Variants in POU3F3 observed in about 807,000 individuals in gnomAD.
POU3F3 encodes the protein POU class 3 homeobox 3, also known as POU domain, class 3, transcription factor 3.
In POU3F3, 1 loss-of-function variant was observed where a neutral mutation model predicts 8.6. The ratio of observed to expected loss-of-function variants is 0.12; its 90% CI spans 0.04 to 0.55. The LOEUF (loss-of-function observed/expected upper bound fraction) is 0.55, where lower values mean the gene tolerates loss of function less well. Among genes scored for constraint, POU3F3 ranks in the 20% least tolerant of loss-of-function variants. The pLI, the probability that POU3F3 is intolerant of heterozygous loss-of-function variation, is 0.91. For missense variants in POU3F3, 577 were observed against 690.7 expected, an observed-to-expected ratio of 0.84 and a Z score of 1.84; for synonymous variants, 418 against 327.4, an observed-to-expected ratio of 1.28 and a Z score of -2.99.
At chr2:104,919,029 G>A in the POU3F3 span, among the ~76,000 whole-genome samples, 2 of 151,970 alleles carry the variant, frequency 1.3e-5, no homozygotes, top group African/African-American at 2.4e-5. Context: ...GCGCCACCAC[G>A]CCCAGCTAAT....
At chr2:104,900,841 T>A in the POU3F3 span, among the ~76,000 whole-genome samples, 3 of 152,072 alleles carry the variant, frequency 2.0e-5, no homozygotes, top group Admixed American at 6.5e-5. Context: ...CACTACCGAG[T>A]GAATGAGAGC....
At chr2:104,887,164 G>A in the POU3F3 span, among the ~76,000 whole-genome samples, 1 of 152,082 alleles carries the variant, frequency 6.6e-6, no homozygotes, top group Non-Finnish European at 1.5e-5. Flanking sequence ...GACAACCAGA[G>A]GTCACTCTCA....
chr2:104,885,929 T>G, the POU3F3 span, among the ~76,000 whole-genome samples: 1 of 152,162 alleles, frequency 6.6e-6, no homozygotes, highest in Non-Finnish European at 1.5e-5. Context: ...CCAGAGTAGC[T>G]GGGATTACAG....
At chr2:104,867,873 T>C in the POU3F3 span, 1,548 of 185,202 alleles carry the variant, frequency 8.4e-3, 28 homozygotes, top group African/African-American at 0.035. The surrounding 1 kb of genome is among the most constrained non-coding windows in gnomAD (Gnocchi z 5.0). Context: ...AGCGGCTAGT[T>C]GGGCATTTCC....
the POU3F3 span, chr2:104,867,818 C>G: frequency 5.9e-6 from 1 of 170,080 alleles, no homozygotes; most frequent in South Asian, 1.4e-4. The surrounding 1 kb of genome is among the most constrained non-coding windows in gnomAD (Gnocchi z 5.0). Flanking sequence ...CTGAGTCACC[C>G]GAGCTGCAGA....
the POU3F3 span, among the ~76,000 whole-genome samples, chr2:104,868,830 A>G: frequency 6.6e-6 from 1 of 152,210 alleles, no homozygotes; most frequent in Non-Finnish European, 1.5e-5. Flanking sequence ...GAATGTGTCT[A>G]TGTCTTGTCA....
chr2:104,855,788 A>C lies in POU3F3; in HGVS notation c.278A>C (p.His93Pro). The change falls in exon 1 of 1, where the codon CAC (histidine) becomes CCC (proline). Residue 93 changes from histidine (H) to proline (P), a missense_variant. Around this residue, in one of 7 missense-constraint regions of POU3F3, gnomAD observed 484 missense variants for 422.6 expected, o/e 1.15. Coordinates refer to ENST00000361360, the MANE Select transcript of POU3F3 (RefSeq NM_006236.3). ...AGCAACGGCGGCCATATGCTGAGCCACGCGCACCAGTGGGTCACAGCCCTG... is the reference window on the plus strand; with the variant it reads ...AGCAACGGCGGCCATATGCTGAGCCCCGCGCACCAGTGGGTCACAGCCCTG... ...AASNGGHMLS[H>P]AHQWVTALPH... is the part of the protein sequence containing the mutation. The C allele has an allele frequency of 7.8e-7, 1 of 1,287,404 alleles. No individual in the cohort carries two copies. Among genetic ancestry groups the C allele is most frequent in the African/African-American group, 1.6e-5 (1 of 61,700 alleles). 79.7% of individuals were successfully genotyped at this position (1,287,404 alleles called of 1,614,324 possible).
downstream of POU3F3, among the ~76,000 whole-genome samples, chr2:104,863,046 C>T (rs192684278): frequency 6.6e-6 from 1 of 151,452 alleles, no homozygotes; most frequent in East Asian, 1.9e-4. Context: ...TGATAATTGT[C>T]AACTGAACCC....
At chr2:104,893,977 GC>G in the POU3F3 span, among the ~76,000 whole-genome samples, 1 of 152,170 alleles carries the variant, frequency 6.6e-6, no homozygotes, top group Non-Finnish European at 1.5e-5. Context: ...CTATGGCACG[GC>G]TATGTACACA....
At chr2:104,900,963 T>TC in the POU3F3 span, among the ~76,000 whole-genome samples, 2 of 152,212 alleles carry the variant, frequency 1.3e-5, no homozygotes, top group African/African-American at 4.8e-5. Context: ...TCTTGCTGTC[T>TC]CCCCCTGGTT....
chr2:104,899,808 G>A, the POU3F3 span, among the ~76,000 whole-genome samples: 8 of 152,210 alleles, frequency 5.3e-5, no homozygotes, highest in Non-Finnish European at 1.0e-4. Flanking sequence ...GCGCTGAACA[G>A]GGAGGGGACC....
downstream of POU3F3, among the ~76,000 whole-genome samples, chr2:104,861,199 T>C (rs1200683475): frequency 1.3e-5 from 2 of 152,220 alleles, no homozygotes; most frequent in Admixed American, 6.5e-5. Flanking sequence ...CACTAATTTG[T>C]ATGTAAATTG....
Position 104,855,819 on chromosome 2 carries a change from CG to C in POU3F3, c.310del (p.Ala104ProfsTer46). The C allele has an allele frequency of 9.1e-7, 1 of 1,100,680 alleles. No homozygotes were observed. The highest frequency in any genetic ancestry group is 1.1e-6 in the Non-Finnish European group (1 of 903,584). The allele number at this position is 1,100,680 out of a possible 1,614,324, so 68.2% of individuals were successfully genotyped here. A position where few individuals can be genotyped will look rare whatever the true frequency, so the allele number is the denominator to read the frequency against. ...AHQWVTALPH[A>X]AAAAAAAAAA... ...ACCAGTGGGTCACAGCCCTGCCCCA[CG>C]CCGCCGCCGCCGCCGCCGCTGCCGC... On this transcript the variant is annotated frameshift_variant, in exon 1 of 1. Transcript: ENST00000361360. LOFTEE classifies it low-confidence loss of function (END_TRUNC).
At chr2:104,927,768 A>T in the POU3F3 span, among the ~76,000 whole-genome samples, 2 of 138,798 alleles carry the variant, frequency 1.4e-5, no homozygotes, top group East Asian at 4.4e-4. Flanking sequence ...AAAAAAAAAA[A>T]AAAAATGTCG....
At chr2:104,879,468 C>T in the POU3F3 span, among the ~76,000 whole-genome samples, 1 of 152,008 alleles carries the variant, frequency 6.6e-6, no homozygotes, top group Non-Finnish European at 1.5e-5. Context: ...TCCTATTTCT[C>T]CTTATTTTTT....
chr2:104,892,280 T>C, the POU3F3 span, among the ~76,000 whole-genome samples: 1 of 152,202 alleles, frequency 6.6e-6, no homozygotes, highest in Non-Finnish European at 1.5e-5. Flanking sequence ...TTGGCCTCCA[T>C]GTGGGACAAG....
the POU3F3 span, among the ~76,000 whole-genome samples, chr2:104,891,280 T>C: frequency 1.3e-5 from 2 of 152,164 alleles, no homozygotes; most frequent in African/African-American, 4.8e-5. Flanking sequence ...TTTTATATTC[T>C]TAATTATACA....
chr2:104,913,783 T>C, the POU3F3 span, among the ~76,000 whole-genome samples: 2 of 152,348 alleles, frequency 1.3e-5, no homozygotes, highest in East Asian at 3.9e-4. Flanking sequence ...CATCTTCACA[T>C]CGTTATTTTC....
At chr2:104,874,806 A>G in the POU3F3 span, among the ~76,000 whole-genome samples, 3 of 152,324 alleles carry the variant, frequency 2.0e-5, no homozygotes, top group East Asian at 5.8e-4. Flanking sequence ...CAGATGTTCA[A>G]AACACTTTTT....
Sources: allele counts gnomAD v4.1 joint callset (sites outside exome capture counted in the v4.1 genomes callset), GRCh38; gene constraint gnomAD v4.1.1; regional missense constraint gnomAD v4.1.1; non-coding constraint Gnocchi (gnomAD v3.1); transcripts MANE v1.5; gene names NCBI Gene and HGNC (gene_info 2026-07-23, HGNC 2026-07-21).